CAMK1D: variants seen among roughly 807,000 people sequenced by gnomAD.
CAMK1D encodes the protein calcium/calmodulin-dependent protein kinase type 1D.
Under a neutral mutation model 47.7 loss-of-function variants are expected in CAMK1D, and 9 were observed. That is an observed-to-expected ratio of 0.19 (90% CI 0.11 to 0.33). CAMK1D has a LOEUF of 0.33. CAMK1D is among the 10% of genes least tolerant of loss of function. The probability of loss-of-function intolerance (pLI) is 1.00; values close to 1 mark genes in which losing one functional copy is unlikely to be tolerated. For missense variants in CAMK1D, 291 were observed against 488.7 expected (o/e 0.60, Z 3.81); for synonymous variants, 184 against 184.9 (o/e 0.99, Z 0.04).
At chr10:12,526,036 G>T (rs1395074407) in intron 1 of CAMK1D, among the ~76,000 whole-genome samples, 1 of 152,214 alleles carries the variant, frequency 6.6e-6, no homozygotes, top group Non-Finnish European at 1.5e-5. Flanking sequence ...GGGATTACAG[G>T]TGTGAGCCGC....
intron 1 of CAMK1D, among the ~76,000 whole-genome samples, chr10:12,454,501 C>G (rs534085282): frequency 1.3e-5 from 2 of 151,616 alleles, no homozygotes; most frequent in South Asian, 2.1e-4. Flanking sequence ...CTTACTTTGT[C>G]ACCTGGGTTA....
chr10:12,388,760 A>G (rs1199339160), intron 1 of CAMK1D, among the ~76,000 whole-genome samples: 3 of 152,170 alleles, frequency 2.0e-5, no homozygotes, highest in East Asian at 3.9e-4. Context: ...GCAGTTTTTC[A>G]GATACTGTGT....
chr10:12,786,615 A>G lies in CAMK1D; in HGVS notation c.566-4543A>G, dbSNP rs767450631. Among the ~76,000 whole-genome samples, 77 of 152,158 alleles carry G rather than the reference A, an allele frequency of 5.1e-4. 1 individual carries two copies. Among genetic ancestry groups the G allele is most frequent in the African/African-American group, 1.2e-4 (5 of 41,434 alleles). ...ACTCTGTTGCCCAGGCTGGAGTGCA[A>G]TGGTGCAGTCATAGCTCACTGCAGC... is the stretch of plus-strand genomic sequence containing the variant. On this transcript the variant is annotated intron_variant, in intron 5 of 10. Transcript: ENST00000619168.
At chr10:12,652,321 C>T (rs1839996538) in intron 2 of CAMK1D, among the ~76,000 whole-genome samples, 1 of 151,494 alleles carries the variant, frequency 6.6e-6, no homozygotes, top group Non-Finnish European at 1.5e-5. Flanking sequence ...GTGGCTCACG[C>T]CTGTAATCCC....
chr10:12,736,132 TC>T (rs1305218398), intron 3 of CAMK1D, among the ~76,000 whole-genome samples: 1 of 152,210 alleles, frequency 6.6e-6, no homozygotes, highest in Non-Finnish European at 1.5e-5. Flanking sequence ...CGGCAGGACT[TC>T]CAGAGAGCCT....
chr10:12,612,968 G>C (rs1452289015), intron 2 of CAMK1D, among the ~76,000 whole-genome samples: 1 of 152,142 alleles, frequency 6.6e-6, no homozygotes, highest in Non-Finnish European at 1.5e-5. Context: ...AATAGAATGA[G>C]TGTCCGCATC....
intron 1 of CAMK1D, among the ~76,000 whole-genome samples, chr10:12,482,907 G>A (rs979916636): frequency 8.5e-5 from 13 of 152,188 alleles, no homozygotes; most frequent in African/African-American, 2.9e-4. Flanking sequence ...TGCCGCTGTG[G>A]TTCAGGACGT....
intron 2 of CAMK1D, among the ~76,000 whole-genome samples, chr10:12,624,518 G>A (rs925800396): frequency 2.0e-5 from 3 of 152,092 alleles, no homozygotes; most frequent in African/African-American, 7.2e-5. Context: ...TTTGTGACCG[G>A]CCCATTTCAC....
At chr10:12,420,697 G>A (rs1185964157) in intron 1 of CAMK1D, among the ~76,000 whole-genome samples, 3 of 152,254 alleles carry the variant, frequency 2.0e-5, no homozygotes, top group East Asian at 1.9e-4. Context: ...AGGAGAAAAC[G>A]AAGTATATTA....
chr10:12,525,761 C>T (rs76694874), intron 1 of CAMK1D, among the ~76,000 whole-genome samples: 34,999 of 151,696 alleles, frequency 0.23, 4,303 homozygotes, highest in South Asian at 0.27. Flanking sequence ...ATCCTGTGTA[C>T]TTTTTTGTTT....
chr10:12,763,949 C>A (rs1281554217), intron 4 of CAMK1D, among the ~76,000 whole-genome samples: 1 of 152,298 alleles, frequency 6.6e-6, no homozygotes, highest in East Asian at 1.9e-4. Context: ...TCCCTGTGGC[C>A]CCCACCCCCA....
At chr10:12,369,191 G>A (rs1370762787) in intron 1 of CAMK1D, among the ~76,000 whole-genome samples, 2 of 152,136 alleles carry the variant, frequency 1.3e-5, no homozygotes, top group Non-Finnish European at 2.9e-5. Context: ...GGAAAGGTAG[G>A]TACTGTTACC....
At chr10:12,388,010 G>A (rs1380735266) in intron 1 of CAMK1D, among the ~76,000 whole-genome samples, 2 of 151,990 alleles carry the variant, frequency 1.3e-5, no homozygotes, top group African/African-American at 2.4e-5. Context: ...TTCTCCCCTG[G>A]GAACCTCCCT....
Position 12,527,741 on chromosome 10 carries a change from T to C in CAMK1D, c.93-25484T>C, listed in dbSNP as rs1352129670. ...AAAATTAATCCAGGAAACTTACCAG[T>C]GGATACTTCTTCAACTTTCGACTTC... On this transcript the variant is annotated intron_variant, in intron 1 of 10. Transcript: ENST00000619168. Among the ~76,000 whole-genome samples, 3 of 152,204 alleles carry C rather than the reference T, an allele frequency of 2.0e-5. No individual in the cohort carries two copies. In the East Asian group the frequency reaches 5.8e-4, roughly 29 times the overall value.
At chr10:12,781,941 C>G (rs1201370868) in intron 5 of CAMK1D, among the ~76,000 whole-genome samples, 13 of 151,692 alleles carry the variant, frequency 8.6e-5, no homozygotes, top group Admixed American at 5.9e-4. Flanking sequence ...AGCCACCATG[C>G]CTGGCCTGGT....
chr10:12,651,737 G>T (rs759054570), intron 2 of CAMK1D, among the ~76,000 whole-genome samples: 6 of 151,608 alleles, frequency 4.0e-5, no homozygotes, highest in Non-Finnish European at 7.4e-5. Flanking sequence ...CTGTAAAGAG[G>T]CCAAAGATTT....
At chr10:12,393,663 G>A (rs1838829878) in intron 1 of CAMK1D, among the ~76,000 whole-genome samples, 1 of 152,192 alleles carries the variant, frequency 6.6e-6, no homozygotes, top group Non-Finnish European at 1.5e-5. Context: ...TTTAGAGATG[G>A]AGACACCCAG....
intron 2 of CAMK1D, among the ~76,000 whole-genome samples, chr10:12,611,694 C>G (rs1013340428): frequency 4.1e-5 from 6 of 147,048 alleles, no homozygotes; most frequent in Admixed American, 1.4e-4. Context: ...CGGGTTCAAG[C>G]AATTCTCCTG....
At position 12,655,928 on chromosome 10, in the gene CAMK1D, C is replaced by G. The variant is rs140199971; in HGVS notation, c.225-10808C>G. Among the ~76,000 whole-genome samples the G allele has an allele frequency of 5.4e-4, 82 of 152,338 alleles. 1 individual carries two copies. Among genetic ancestry groups the G allele is most frequent in the Middle Eastern group, 6.8e-3 (2 of 294 alleles). ...TCACCAGGCTTCTGTGTAGCAAAGA[C>G]TATTCCAGAGAACACTGAATATGGA... On this transcript the variant is annotated intron_variant, in intron 2 of 10. Transcript: ENST00000619168.
Sources: gnomAD v4.1 joint callset for allele counts (sites outside exome capture counted in the v4.1 genomes callset) on GRCh38, gnomAD v4.1.1 for gene constraint, MANE v1.5 for transcripts, NCBI Gene and HGNC (gene_info 2026-07-23, HGNC 2026-07-21) for gene names.